The following PTPRU variants were observed in gnomAD, a reference collection of about 807,000 sequenced individuals.
The protein encoded by PTPRU is receptor-type tyrosine-protein phosphatase U.
Under a neutral mutation model 166.3 loss-of-function variants are expected in PTPRU, and 69 were observed. The observed-to-expected ratio is 0.41, with a 90% confidence interval of 0.34 to 0.51. The LOEUF (loss-of-function observed/expected upper bound fraction) is 0.51, where lower values mean the gene tolerates loss of function less well. Ranked by LOEUF, PTPRU falls within the 20% of genes least tolerant of loss-of-function variation. The pLI is 0.09. For missense variants in PTPRU, 1,657 were observed against 2,013.7 expected, an observed-to-expected ratio of 0.82 and a Z score of 3.39; for synonymous variants, 793 against 814.0, an observed-to-expected ratio of 0.97 and a Z score of 0.44.
intron 14 of PTPRU, chr1:29,289,645 G>T: frequency 1.9e-6 from 3 of 1,613,540 alleles, no homozygotes; most frequent in Non-Finnish European, 2.5e-6. Context: ...GACGGACCTC[G>T]GACACAACTG....
chr1:29,281,977 G>C (rs1686100083), intron 11 of PTPRU, among the ~76,000 whole-genome samples: 1 of 152,216 alleles, frequency 6.6e-6, no homozygotes, highest in Non-Finnish European at 1.5e-5. Flanking sequence ...AGATAAAATA[G>C]AAACACAGCT....
chr1:29,312,847 C>T (rs1687730533), intron 22 of PTPRU, 141 bp downstream of exon 22: 2 of 1,110,950 alleles, frequency 1.8e-6, no homozygotes, highest in Non-Finnish European at 2.4e-6. Flanking sequence ...AGGGAACGAC[C>T]CCCAAAGGCC....
rs374427295 is a variant in PTPRU at position 29,323,770 on chromosome 1, G to A, written c.4094G>A (p.Arg1365His). The A allele has an allele frequency of 1.3e-5, 21 of 1,614,020 alleles. No individual in the cohort carries two copies. Among genetic ancestry groups the A allele is most frequent in the Non-Finnish European group, 1.5e-5 (18 of 1,179,994 alleles). Residue 1365 changes from arginine (R) to histidine (H), a missense_variant, in exon 28 of 30, where the codon CGC (arginine) becomes CAC (histidine). By Grantham distance (29) the Arg-to-His change is conservative. Coordinates refer to ENST00000373779, the MANE Select transcript of PTPRU (RefSeq NM_133178.4). ...DKWQAESGDGRTIVHCLNGGG... is the reference protein window; with the variant it reads ...DKWQAESGDGHTIVHCLNGGG... ...TGGCAGGCCGAGAGTGGGGATGGGC[G>A]CACCATCGTGCACTGCCTGTGAGTA...
intron 17 of PTPRU, 108 bp downstream of exon 17, chr1:29,304,957 T>C: frequency 9.9e-7 from 1 of 1,005,810 alleles, no homozygotes; most frequent in Non-Finnish European, 1.5e-6. Flanking sequence ...ATAGTAGCAT[T>C]GGCCACCTTT....
rs1685036503 is a variant in PTPRU, at chr1:29,260,936, C to T, written c.1144+33C>T. 2 of 1,502,114 alleles carry T rather than the reference C, an allele frequency of 1.3e-6. No individual in the cohort carries two copies. The highest frequency in any genetic ancestry group is 8.8e-7 in the Non-Finnish European group (1 of 1,131,146). 93.0% of individuals were successfully genotyped at this position (1,502,114 alleles called of 1,614,324 possible). ...CAGCAGCTACCCCTGGCCTCAGTCT[C>T]TGGTGGGCCCAGGGCTATGGAGGGG... On this transcript the variant is annotated intron_variant, in intron 7 of 29. Transcript: ENST00000373779. The surrounding 1 kb of genome is among the most constrained non-coding windows in gnomAD (Gnocchi z 8.3).
At chr1:29,308,257 G>A (rs1456505475) in intron 18 of PTPRU, among the ~76,000 whole-genome samples, 2 of 150,188 alleles carry the variant, frequency 1.3e-5, no homozygotes, top group Non-Finnish European at 3.0e-5. Flanking sequence ...CTACAGGCGT[G>A]TGCTGCCATG....
chr1:29,300,831 G>A (rs1325696395), intron 15 of PTPRU, among the ~76,000 whole-genome samples: 1 of 152,218 alleles, frequency 6.6e-6, no homozygotes, highest in Non-Finnish European at 1.5e-5. Flanking sequence ...GCCCTGGTTG[G>A]AGTTTGAGGA....
chr1:29,316,692 G>C (rs1321126149), intron 24 of PTPRU, among the ~76,000 whole-genome samples: 1 of 152,186 alleles, frequency 6.6e-6, no homozygotes, highest in East Asian at 1.9e-4. Context: ...GCCGCCAGCA[G>C]TGCTGGGCTC....
At chr1:29,266,879 G>T (rs1338021186) in intron 7 of PTPRU, among the ~76,000 whole-genome samples, 1 of 152,064 alleles carries the variant, frequency 6.6e-6, no homozygotes, top group Non-Finnish European at 1.5e-5. Flanking sequence ...GGTTTGAATT[G>T]GGCAGATCCA....
chr1:29,323,296 T>C, intron 26 of PTPRU, 75 bp from the exon 27 acceptor site: 1 of 1,543,256 alleles, frequency 6.5e-7, no homozygotes, highest in South Asian at 1.2e-5. Context: ...TGTGGAGCCC[T>C]TGGGGTGGGC....
chr1:29,324,991 C>G (rs1688339994), intron 28 of PTPRU, among the ~76,000 whole-genome samples, 200 bp from the exon 29 acceptor site: 1 of 151,706 alleles, frequency 6.6e-6, no homozygotes, highest in Non-Finnish European at 1.5e-5. Context: ...CTCCGCCCCT[C>G]TCCTCTAGGC....
intron 22 of PTPRU, among the ~76,000 whole-genome samples, chr1:29,314,266 G>T (rs928204430): frequency 1.3e-5 from 2 of 152,178 alleles, no homozygotes; most frequent in African/African-American, 4.8e-5. Context: ...TGGTATGTAC[G>T]TAGGAGTAGA....
intron 8 of PTPRU, among the ~76,000 whole-genome samples, chr1:29,278,097 A>G (rs912022719): frequency 1.3e-5 from 2 of 152,028 alleles, no homozygotes; most frequent in African/African-American, 4.8e-5. Context: ...CTGGGATTAC[A>G]TGCGTGAGCC....
Position 29,322,731 on chromosome 1 carries a change from C to G in PTPRU, c.3829-640C>G, listed in dbSNP as rs186747279. The stretch of plus-strand genomic sequence containing the variant: ...AGCCTTTCCTGGGCTTCAGGCAGAG[C>G]TGAGACTAGAAACTGAGGCTCAGGA... On this transcript the variant is annotated intron_variant, in intron 26 of 29. Coordinates refer to ENST00000373779, the MANE Select transcript of PTPRU (RefSeq NM_133178.4). Among the ~76,000 whole-genome samples, 9 of 152,210 alleles carry G rather than the reference C, an allele frequency of 5.9e-5. No individual in the cohort carries two copies. The East Asian group carries it at 1.2e-3, about 20-fold the overall frequency.
intron 1 of PTPRU, among the ~76,000 whole-genome samples, chr1:29,248,039 T>C (rs1565713): frequency 0.64 from 97,417 of 152,024 alleles, 32,137 homozygotes; most frequent in Non-Finnish European, 0.71. Flanking sequence ...GAGCCTCAGC[T>C]TAGGTCTAGA....
At chr1:29,270,174 C>T (rs77037247) in intron 7 of PTPRU, among the ~76,000 whole-genome samples, 4 of 152,268 alleles carry the variant, frequency 2.6e-5, no homozygotes, top group Non-Finnish European at 4.4e-5. Flanking sequence ...TTAATGCACA[C>T]ATGTTTATTA....
In PTPRU at chr1:29,258,793, C is replaced by T. The variant is rs1478026450; in HGVS notation, c.477+17C>T. Reference sequence around the variant, plus strand: ...GAATATCAGGTGGGCTGGGTTCAGTCAGCGGTCAGCCTGTGCCTGGAGGTG... The same window carrying T: ...GAATATCAGGTGGGCTGGGTTCAGTTAGCGGTCAGCCTGTGCCTGGAGGTG... On this transcript the variant is annotated intron_variant, in intron 3 of 29. Coordinates refer to ENST00000373779, the MANE Select transcript of PTPRU (RefSeq NM_133178.4). 3 of 1,553,938 alleles carry T rather than the reference C, an allele frequency of 1.9e-6. No individual in the cohort carries two copies. Among genetic ancestry groups the T allele is most frequent in the Non-Finnish European group, 1.7e-6 (2 of 1,149,544 alleles).
chr1:29,323,693 C>T lies in PTPRU; in HGVS notation c.4017C>T (p.Asp1339=), dbSNP rs747874338. 3.0e-5 allele frequency: 49 copies of T among 1,614,060 alleles called. No homozygotes were observed. The highest frequency in any genetic ancestry group is 1.8e-4 in the Admixed American group (11 of 60,012). ...TCCTGCGCTGGTCTGCATACCGGGA[C>T]ACACCTGACTCCAAGAAGGCCTTCT... ...FQFLRWSAYR[D]TPDSKKAFLH... Residue 1339 remains aspartate (D), a synonymous_variant, in exon 28 of 30, where the codon GAC becomes GAT. Transcript: ENST00000373779.
intron 7 of PTPRU, among the ~76,000 whole-genome samples, chr1:29,264,744 G>A (rs1391692411): frequency 6.6e-6 from 1 of 152,162 alleles, no homozygotes; most frequent in Non-Finnish European, 1.5e-5. Context: ...GATGTCAGGT[G>A]ATCCACCTGG....
Sources: gnomAD v4.1 joint callset for allele counts (sites outside exome capture counted in the v4.1 genomes callset) on GRCh38, gnomAD v4.1.1 for gene constraint, Gnocchi (gnomAD v3.1) non-coding constraint, MANE v1.5 for transcripts, NCBI Gene and HGNC (gene_info 2026-07-23, HGNC 2026-07-21) for gene names.